Variants in SIRT1 observed in about 807,000 individuals in gnomAD.
The protein encoded by SIRT1 is sirtuin 1, also known as NAD-dependent protein deacetylase sirtuin-1.
SIRT1 carries 24 observed loss-of-function variants against 67.9 expected under a neutral mutation model. The observed-to-expected ratio is 0.35, with a 90% confidence interval of 0.26 to 0.50. The LOEUF is 0.50. Among genes scored for constraint, SIRT1 ranks in the 20% least tolerant of loss-of-function variants. The pLI is 0.98. For synonymous variants in SIRT1, 378 were observed against 350.7 expected (o/e 1.08, Z -0.87); for missense variants, 873 against 937.2 (o/e 0.93, Z 0.89).
chr10:67,893,987 G>A (rs764407299), intron 4 of SIRT1, among the ~76,000 whole-genome samples: 1 of 152,016 alleles, frequency 6.6e-6, no homozygotes, highest in Non-Finnish European at 1.5e-5. Flanking sequence ...TAAAAAAAAA[G>A]TGATTTTTTG....
intron 1 of SIRT1, 123 bp downstream of exon 1, chr10:67,885,274 C>G: frequency 8.0e-7 from 1 of 1,246,040 alleles, no homozygotes; most frequent in Non-Finnish European, 1.0e-6. Context: ...CCCTCCCCAC[C>G]CCGGCCCTCC....
At chr10:67,885,294 C>T in intron 1 of SIRT1, 143 bp downstream of exon 1, 1 of 1,241,848 alleles carries the variant, frequency 8.1e-7, no homozygotes, top group Non-Finnish European at 1.0e-6. Context: ...CGTTCAGCCG[C>T]GCTCCTCCGG....
chr10:67,892,506 A>G (rs560094197), intron 4 of SIRT1, among the ~76,000 whole-genome samples: 1 of 152,194 alleles, frequency 6.6e-6, no homozygotes, highest in Non-Finnish European at 1.5e-5. Flanking sequence ...TCAGGAGCTC[A>G]AGACTGAGTG....
Position 67,916,542 on chromosome 10 carries a change from A to G in SIRT1, c.2193A>G (p.Ile731Met). ...GDDQEAINEA[I>M]SVKQEVTDMN... ...ATCAAGAGGCAATTAATGAAGCTAT[A>G]TCTGTGAAACAGGAAGTAACAGACA... The change falls in exon 9 of 9, where the codon ATA becomes ATG. Residue 731 changes from isoleucine to methionine, a missense_variant. By Grantham distance (10) the Ile-to-Met change is conservative (BLOSUM62 1). Around this residue, in one of 3 missense-constraint regions of SIRT1, gnomAD observed 295 missense variants for 294.5 expected, o/e 1.00. Coordinates refer to ENST00000212015, the MANE Select transcript of SIRT1 (RefSeq NM_012238.5). 6.2e-7 allele frequency: 1 copy of G among 1,614,164 alleles called. No individual in the cohort carries two copies. Among genetic ancestry groups the G allele is most frequent in the Non-Finnish European group, 8.5e-7 (1 of 1,180,002 alleles).
chr10:67,913,466 T>G (rs1842931088), intron 8 of SIRT1, among the ~76,000 whole-genome samples: 1 of 152,236 alleles, frequency 6.6e-6, no homozygotes, highest in Admixed American at 6.5e-5. Context: ...AAATCCAGTC[T>G]ATTTATGCTT....
rs2029986786 is a variant in SIRT1 at position 67,918,239 on chromosome 10, G to C, written c.*1646G>C. On this transcript the variant is annotated 3_prime_UTR_variant, in exon 9 of 9. Transcript: ENST00000212015. ...TTCAGCTCTTTTTATATTGTACATA[G>C]TCTTTTATGTAATTTACTGGCATAT... 1 of 152,538 alleles carries C rather than the reference G, an allele frequency of 6.6e-6. No homozygotes were observed. The highest frequency in any genetic ancestry group is 2.4e-5 in the African/African-American group (1 of 41,426). 9.4% of individuals were successfully genotyped at this position (152,538 alleles called of 1,614,324 possible).
At chr10:67,910,132 T>C (rs1367362192) in intron 7 of SIRT1, among the ~76,000 whole-genome samples, 6 of 151,972 alleles carry the variant, frequency 3.9e-5, no homozygotes, top group African/African-American at 1.4e-4. Flanking sequence ...CTCAGCACTT[T>C]GGGAGGCCGA....
intron 8 of SIRT1, among the ~76,000 whole-genome samples, chr10:67,913,489 C>A (rs965231586): frequency 3.9e-5 from 6 of 152,180 alleles, no homozygotes. Flanking sequence ...AGCCTGCCCC[C>A]TTAACTACTA....
In SIRT1 at chr10:67,912,752, C is replaced by T; in HGVS notation, c.1636C>T (p.Pro546Ser). 1 of 1,614,130 alleles carries T rather than the reference C, an allele frequency of 6.2e-7. No individual in the cohort carries two copies. Among genetic ancestry groups the T allele is most frequent in the Non-Finnish European group, 8.5e-7 (1 of 1,180,028 alleles). The change falls in exon 8 of 9, where the codon CCA (proline) becomes TCA (serine). Residue 546 changes from proline to serine, a missense_variant. Pro to Ser is a moderately conservative substitution (Grantham distance 74). This residue lies in a region of SIRT1 where 295 missense variants were observed against 294.5 expected (regional missense o/e 1.00). Transcript: ENST00000212015. Reference sequence around the variant, plus strand: ...CTCAAGTTCACCAGAAAGAACTTCACCACCAGATTCTTCAGTGATTGTCAC... The same window carrying T: ...CTCAAGTTCACCAGAAAGAACTTCATCACCAGATTCTTCAGTGATTGTCAC... ...EDSSSPERTS[P>S]PDSSVIVTLL...
chr10:67,888,740 T>A, intron 2 of SIRT1, 142 bp from the exon 3 acceptor site: 1 of 856,838 alleles, frequency 1.2e-6, no homozygotes. Flanking sequence ...ATTCTGAGTG[T>A]ACCGAGAATG....
chr10:67,888,467 A>C (rs899811102), intron 2 of SIRT1, among the ~76,000 whole-genome samples: 1 of 152,198 alleles, frequency 6.6e-6, no homozygotes, highest in African/African-American at 2.4e-5. Flanking sequence ...TTAAGATGGC[A>C]GTTATGTATA....
At chr10:67,887,266 G>T in intron 1 of SIRT1, 151 bp from the exon 2 acceptor site, 1 of 490,962 alleles carries the variant, frequency 2.0e-6, no homozygotes, top group Non-Finnish European at 3.7e-6. Flanking sequence ...CTGTTCCAAT[G>T]AACAGTGCAA....
chr10:67,901,854 A>G (rs943224543), intron 4 of SIRT1, among the ~76,000 whole-genome samples: 2 of 152,260 alleles, frequency 1.3e-5, no homozygotes, highest in African/African-American at 2.4e-5. Flanking sequence ...GTGGTGTACA[A>G]CATGATGTTT....
At chr10:67,906,324 G>T (rs766288752) in intron 4 of SIRT1, 11 of 1,539,578 alleles carry the variant, frequency 7.1e-6, no homozygotes, top group Non-Finnish European at 9.6e-6. Context: ...CTTCCAGCAG[G>T]TTGATATTCT....
chr10:67,903,024 T>G (rs35222785), intron 4 of SIRT1, among the ~76,000 whole-genome samples: 8,162 of 151,820 alleles, frequency 0.054, 759 homozygotes, highest in African/African-American at 0.19. Flanking sequence ...CCAGGAGAGG[T>G]GGAGGTTGCA....
In SIRT1 at chr10:67,917,181, A is replaced by G. The variant is rs183459104; in HGVS notation, c.*588A>G. The G allele has an allele frequency of 3.3e-5, 5 of 152,726 alleles. No homozygotes were observed. The highest frequency in any genetic ancestry group is 2.1e-4 in the South Asian group (1 of 4,834). 9.5% of individuals were successfully genotyped at this position (152,726 alleles called of 1,614,324 possible). A position where few individuals can be genotyped will look rare whatever the true frequency, so the allele number is the denominator to read the frequency against. On this transcript the variant is annotated 3_prime_UTR_variant, in exon 9 of 9. Transcript: ENST00000212015. ...CAGTGTGAGTAGAAGGAAGTCAACA[A>G]TATGTGGGGAGAGCACTCGGTTGTC... is the stretch of plus-strand genomic sequence containing the variant.
Position 67,908,039 on chromosome 10 carries a change from T to G in SIRT1, c.1091-7T>G. On this transcript the variant is annotated splice_region_variant and splice_polypyrimidine_tract_variant and intron_variant, in intron 5 of 8. Transcript: ENST00000212015. ...TAATAAAGCATATATATGTTGTTTG[T>G]TTTTAGGTTCCTTTGCAACAGCATC... 1 of 1,610,914 alleles carries G rather than the reference T, an allele frequency of 6.2e-7. No homozygotes were observed. Among genetic ancestry groups the G allele is most frequent in the Non-Finnish European group, 8.5e-7 (1 of 1,177,780 alleles).
At chr10:67,885,528 C>G in intron 1 of SIRT1, 1 of 588,808 alleles carries the variant, frequency 1.7e-6, no homozygotes. Context: ...TTCTCCTCTA[C>G]CCCCCAGCAC....
intron 4 of SIRT1, among the ~76,000 whole-genome samples, chr10:67,904,023 T>C (rs1842782761): frequency 6.6e-6 from 1 of 152,178 alleles, no homozygotes; most frequent in South Asian, 2.1e-4. Context: ...TCTCCAGTCA[T>C]TGGTTTTCAA....
Sources: gnomAD v4.1 joint callset for allele counts (sites outside exome capture counted in the v4.1 genomes callset) on GRCh38, gnomAD v4.1.1 for gene constraint, gnomAD v4.1.1 regional missense constraint, MANE v1.5 for transcripts, NCBI Gene and HGNC (gene_info 2026-07-23, HGNC 2026-07-21) for gene names.